KHDRBS3: variants seen among roughly 807,000 people sequenced by gnomAD.
KHDRBS3 encodes KH domain-containing, RNA-binding, signal transduction-associated protein 3.
In KHDRBS3, 23 loss-of-function variants were observed where a neutral mutation model predicts 45.6. That is an observed-to-expected ratio of 0.50 (90% confidence interval 0.36 to 0.72). The LOEUF is 0.72. Ranked by LOEUF, KHDRBS3 falls within the 30% of genes least tolerant of loss-of-function variation. The pLI is 0.00. For synonymous variants in KHDRBS3, 162 were observed against 156.5 expected, an observed-to-expected ratio of 1.04 and a Z score of -0.26; for missense variants, 352 against 424.8, an observed-to-expected ratio of 0.83 and a Z score of 1.51.
At chr8:135,564,656 C>G (rs528971605) in intron 5 of KHDRBS3, among the ~76,000 whole-genome samples, 2 of 152,136 alleles carry the variant, frequency 1.3e-5, no homozygotes, top group Non-Finnish European at 2.9e-5. Flanking sequence ...TGTCTGTTTT[C>G]CAGACTGGTC....
intron 1 of KHDRBS3, among the ~76,000 whole-genome samples, chr8:135,481,223 G>GATATATATATATATATAT (rs10529846): frequency 1.0e-3 from 80 of 77,348 alleles, no homozygotes; most frequent in South Asian, 3.4e-3. Flanking sequence ...TGAAAGCCAC[G>GATATATATATATATATAT]ATATATATAT....
intron 1 of KHDRBS3, among the ~76,000 whole-genome samples, chr8:135,520,284 T>C (rs938148020): frequency 2.0e-5 from 3 of 152,154 alleles, no homozygotes; most frequent in Non-Finnish European, 4.4e-5. Flanking sequence ...TGAACCTGGG[T>C]GTCTATAGGT....
intron 1 of KHDRBS3, chr8:135,458,862 C>T (rs1372452431): frequency 4.4e-6 from 2 of 456,080 alleles, no homozygotes; most frequent in African/African-American, 2.0e-5. Flanking sequence ...ACAGTGTTCC[C>T]CTGGCTTTTT....
chr8:135,626,317 C>T (rs188033283), intron 7 of KHDRBS3, among the ~76,000 whole-genome samples: 160 of 152,300 alleles, frequency 1.1e-3, no homozygotes, highest in Middle Eastern at 3.4e-3. Flanking sequence ...TTTAACTATT[C>T]TATGCCAGCT....
intron 6 of KHDRBS3, among the ~76,000 whole-genome samples, chr8:135,604,984 G>T (rs1437746721): frequency 1.3e-5 from 2 of 150,702 alleles, no homozygotes; most frequent in African/African-American, 4.9e-5. Flanking sequence ...GGCCTTTATA[G>T]TTTTTGTTAG....
chr8:135,537,224 G>A (rs1032862345), intron 2 of KHDRBS3, among the ~76,000 whole-genome samples: 4 of 152,096 alleles, frequency 2.6e-5, no homozygotes, highest in African/African-American at 9.7e-5. Context: ...AAGCTATGGT[G>A]GCGGAGTTTC....
At chr8:135,570,685 C>T (rs1306143085) in intron 5 of KHDRBS3, among the ~76,000 whole-genome samples, 1 of 152,176 alleles carries the variant, frequency 6.6e-6, no homozygotes, top group Non-Finnish European at 1.5e-5. Flanking sequence ...CTCCTTCCTT[C>T]CAACTCTGTG....
intron 7 of KHDRBS3, among the ~76,000 whole-genome samples, chr8:135,622,181 C>G (rs1378633636): frequency 6.6e-6 from 1 of 152,130 alleles, no homozygotes; most frequent in Non-Finnish European, 1.5e-5. Context: ...TATTCACTGT[C>G]CCCTCCCCCA....
chr8:135,654,291 A>G (rs185821486), intron 4 of KHDRBS3, among the ~76,000 whole-genome samples: 4 of 152,238 alleles, frequency 2.6e-5, no homozygotes, highest in African/African-American at 7.2e-5. Flanking sequence ...ATTAAAGGCA[A>G]TGCAAGAAGC....
rs137909634 is a variant in KHDRBS3, at chr8:135,472,448, C to T, written c.88+14494C>T. On this transcript the variant is annotated intron_variant, in intron 1 of 8. Coordinates refer to ENST00000355849, the MANE Select transcript of KHDRBS3 (RefSeq NM_006558.3). ...GCTGGGGCATTTATCCTTGCTGGGT[C>T]TCCAGTGCCCAGAGCTGTGTCTGAA... Among the ~76,000 whole-genome samples, 1,206 of 152,334 alleles carry T rather than the reference C, an allele frequency of 7.9e-3. 4 individuals are homozygous for T. Among genetic ancestry groups the T allele is most frequent in the Non-Finnish European group, 0.012 (806 of 68,032 alleles).
intron 7 of KHDRBS3, among the ~76,000 whole-genome samples, chr8:135,634,150 A>T (rs1830716724): frequency 6.6e-6 from 1 of 152,212 alleles, no homozygotes; most frequent in Non-Finnish European, 1.5e-5. Context: ...GTTAACTCTT[A>T]ATTAAATGGG....
At chr8:135,499,138 G>A (rs1011987174) in intron 1 of KHDRBS3, among the ~76,000 whole-genome samples, 1 of 152,172 alleles carries the variant, frequency 6.6e-6, no homozygotes, top group South Asian at 2.1e-4. Flanking sequence ...TGCAGTTGTG[G>A]TTGGGAAGGG....
chr8:135,469,531 T>G (rs796656262), intron 1 of KHDRBS3, among the ~76,000 whole-genome samples: 4,694 of 48,732 alleles, frequency 0.096, 362 homozygotes, highest in African/African-American at 0.24. Flanking sequence ...TGGTTTTTTT[T>G]TTTTTTTTTT....
Position 135,513,864 on chromosome 8 carries a change from C to CT in KHDRBS3, c.89-7363dup, listed in dbSNP as rs113324605. 6.5e-3 allele frequency among the ~76,000 whole-genome samples: 978 copies of CT among 149,452 alleles called. 7 individuals are homozygous for CT. Among genetic ancestry groups the CT allele is most frequent in the African/African-American group, 0.022 (898 of 40,874 alleles). On this transcript the variant is annotated intron_variant, in intron 1 of 8. Transcript: ENST00000355849. ...CTATAGTCATGTCTCCTCTGCCCCT[C>CT]TTTTTTTTTTCCTTCATCTACTTTA...
chr8:135,575,549 T>C (rs1827911885), intron 5 of KHDRBS3, among the ~76,000 whole-genome samples: 1 of 152,238 alleles, frequency 6.6e-6, no homozygotes, highest in Non-Finnish European at 1.5e-5. Flanking sequence ...TATGTAATTT[T>C]AAAGAGTTTC....
At chr8:135,592,897 T>C (rs779841863) in intron 6 of KHDRBS3, among the ~76,000 whole-genome samples, 3 of 152,134 alleles carry the variant, frequency 2.0e-5, no homozygotes, top group Non-Finnish European at 4.4e-5. Flanking sequence ...CTCAGGCTAA[T>C]AAGGGTCCAA....
At chr8:135,648,213 T>G (rs1831361293), downstream of KHDRBS3, 1 of 152,220 alleles carries the variant, frequency 6.6e-6, no homozygotes, top group South Asian at 2.1e-4. Flanking sequence ...AGTTTCATTA[T>G]CCATTTTAGA....
chr8:135,547,553 C>G (rs1826372405), intron 3 of KHDRBS3, among the ~76,000 whole-genome samples: 1 of 152,186 alleles, frequency 6.6e-6, no homozygotes, highest in Admixed American at 6.5e-5. Flanking sequence ...ATTTCCCGCT[C>G]TGTGTATTAG....
intron 1 of KHDRBS3, among the ~76,000 whole-genome samples, chr8:135,488,487 A>G (rs986143284): frequency 2.0e-5 from 3 of 152,200 alleles, no homozygotes; most frequent in African/African-American, 7.2e-5. Flanking sequence ...TAGGAGAAAC[A>G]CTTAAAAAAA....
Sources: gnomAD v4.1 joint callset for allele counts (sites outside exome capture counted in the v4.1 genomes callset) on GRCh38, gnomAD v4.1.1 for gene constraint, MANE v1.5 for transcripts, NCBI Gene and HGNC (gene_info 2026-07-23, HGNC 2026-07-21) for gene names.